ABLIM2: variants seen among roughly 807,000 people sequenced by gnomAD.
ABLIM2 encodes actin binding LIM protein family member 2.
ABLIM2 carries 53 observed loss-of-function variants against 97.7 expected under a neutral mutation model. The ratio of observed to expected loss-of-function variants is 0.54; its 90% CI spans 0.44 to 0.68. The LOEUF (loss-of-function observed/expected upper bound fraction) is 0.68. ABLIM2 is among the 30% of genes least tolerant of loss of function. The pLI is 0.00. For synonymous variants in ABLIM2, 361 were observed against 345.8 expected, an observed-to-expected ratio of 1.04 and a Z score of -0.49; for missense variants, 835 against 867.2, an observed-to-expected ratio of 0.96 and a Z score of 0.47.
chr4:7,993,468 G>C (rs1394685469), intron 16 of ABLIM2, among the ~76,000 whole-genome samples: 1 of 152,220 alleles, frequency 6.6e-6, no homozygotes, highest in Non-Finnish European at 1.5e-5. Context: ...AAAATCACTT[G>C]AGGCCAGGAG....
rs923074168 is a variant in ABLIM2, at chr4:8,138,043, C to T, written c.10+20637G>A. 5.9e-5 allele frequency among the ~76,000 whole-genome samples: 9 copies of T among 152,170 alleles called. No homozygotes were observed. In the South Asian group the frequency reaches 6.2e-4, roughly 10 times the overall value. On this transcript the variant is annotated intron_variant, in intron 1 of 20. Transcript: ENST00000447017. ...ACATGGATGACCCTTGAAGACATTA[C>T]GCTGAGTGAGATCCCAGTCACAGAG...
chr4:8,054,085 T>C lies in ABLIM2; in HGVS notation c.822+103A>G, dbSNP rs1797588551. The C allele has an allele frequency of 2.9e-6, 4 of 1,369,988 alleles. No individual in the cohort carries two copies. In the East Asian group the frequency reaches 6.9e-5, roughly 24 times the overall value. The allele number at this position is 1,369,988 out of a possible 1,614,324, so 84.9% of individuals were successfully genotyped here. On this transcript the variant is annotated intron_variant, in intron 8 of 20. Coordinates refer to ENST00000447017, the MANE Select transcript of ABLIM2 (RefSeq NM_001130083.2). This position sits in a 1 kb window ranked among gnomAD's most constrained non-coding sequence, Gnocchi z 4.9. The stretch of plus-strand genomic sequence containing the variant: ...GCCCCCATCCTGCAGCCCGTGGGAC[T>C]GGACAATGAGCCTGTAGAATCTGGT...
intron 20 of ABLIM2, among the ~76,000 whole-genome samples, chr4:7,967,327 G>C (rs982729074): frequency 6.6e-6 from 1 of 152,220 alleles, no homozygotes; most frequent in African/African-American, 2.4e-5. Context: ...CCCAGTGGTG[G>C]AGCTGGAGCC....
At chr4:8,052,191 C>T (rs1195071282) in intron 8 of ABLIM2, among the ~76,000 whole-genome samples, 1 of 152,330 alleles carries the variant, frequency 6.6e-6, no homozygotes, top group African/African-American at 2.4e-5. Flanking sequence ...GTGGTGTTCC[C>T]ATGCACACAT....
chr4:8,013,109 G>A (rs1335408934), intron 14 of ABLIM2, among the ~76,000 whole-genome samples: 1 of 152,082 alleles, frequency 6.6e-6, no homozygotes, highest in Non-Finnish European at 1.5e-5. Context: ...TTGATGGGAG[G>A]AGCAAAGTCA....
chr4:8,108,521 A>G (rs113170607), intron 1 of ABLIM2, among the ~76,000 whole-genome samples: 200 of 152,364 alleles, frequency 1.3e-3, no homozygotes, highest in African/African-American at 4.6e-3. Flanking sequence ...CTCTCCCTCG[A>G]CAACCAGGAG....
intron 2 of ABLIM2, 55 bp from the exon 3 acceptor site, chr4:8,097,337 C>T (rs1480587500): frequency 2.6e-6 from 4 of 1,541,072 alleles, no homozygotes; most frequent in African/African-American, 2.7e-5. Context: ...TCTCCACGTC[C>T]CCCAGGCCCG....
rs1186766027 is a variant in ABLIM2, at chr4:8,112,211, T to C, written c.11-5574A>G. 1.3e-5 allele frequency among the ~76,000 whole-genome samples: 2 copies of C among 152,170 alleles called. No individual in the cohort carries two copies. Among genetic ancestry groups the C allele is most frequent in the Non-Finnish European group, 2.9e-5 (2 of 68,032 alleles). ...CCTTCACAACAAAGGGACGTGGCTC[T>C]CTCAGGAAATCCCCCTGCCTCCCCC... On this transcript the variant is annotated intron_variant, in intron 1 of 20. Coordinates refer to ENST00000447017, the MANE Select transcript of ABLIM2 (RefSeq NM_001130083.2). This position sits in a 1 kb window ranked among gnomAD's most constrained non-coding sequence, Gnocchi z 4.2.
Position 8,081,118 on chromosome 4 carries a change from C to T in ABLIM2, c.455-316G>A, listed in dbSNP as rs547115176. 7.2e-5 allele frequency among the ~76,000 whole-genome samples: 11 copies of T among 152,208 alleles called. No individual in the cohort carries two copies. The East Asian group carries it at 9.7e-4, about 13-fold the overall frequency. On this transcript the variant is annotated intron_variant, in intron 4 of 20. Transcript: ENST00000447017. ...GCGGAGTTGGCTCCTGGCACCGAGA[C>T]GTACCAGGTTGAACCCAACTGTGAC... is the stretch of plus-strand genomic sequence containing the variant.
At chr4:8,111,972 C>A (rs890430681) in intron 1 of ABLIM2, among the ~76,000 whole-genome samples, 1 of 151,466 alleles carries the variant, frequency 6.6e-6, no homozygotes, top group African/African-American at 2.4e-5. Context: ...ACCACAATTG[C>A]GGCAGGTTCA....
intron 7 of ABLIM2, among the ~76,000 whole-genome samples, chr4:8,056,139 A>AAAAAAAAAAAAAAAAAC (rs1798977019): frequency 7.0e-6 from 1 of 142,104 alleles, no homozygotes; most frequent in African/African-American, 2.6e-5. Context: ...AAAAAAAAAA[A>AAAAAAAAAAAAAAAAAC]GTAACAGATG....
rs1272072066 is a variant in ABLIM2 at position 7,986,355 on chromosome 4, G to A, written c.1681-1462C>T. On this transcript the variant is annotated intron_variant, in intron 17 of 20. Coordinates refer to ENST00000447017, the MANE Select transcript of ABLIM2 (RefSeq NM_001130083.2). This position sits in a 1 kb window ranked among gnomAD's most constrained non-coding sequence, Gnocchi z 4.3. ...GCCCTTTATCTGAAACAGGAAAACCGAGGCCCCGAGGGAAGCTGGACCTTC... is the reference window on the plus strand; with the variant it reads ...GCCCTTTATCTGAAACAGGAAAACCAAGGCCCCGAGGGAAGCTGGACCTTC... Among the ~76,000 whole-genome samples the A allele has an allele frequency of 1.3e-5, 2 of 152,158 alleles. No individual in the cohort carries two copies. Among genetic ancestry groups the A allele is most frequent in the Non-Finnish European group, 2.9e-5 (2 of 68,026 alleles).
In ABLIM2 at chr4:8,019,766, C is replaced by T. The variant is rs912300378; in HGVS notation, c.1370-95G>A. The T allele has an allele frequency of 1.2e-5, 15 of 1,209,074 alleles. No individual in the cohort carries two copies. In the African/African-American group the frequency reaches 2.1e-4, roughly 17 times the overall value. 74.9% of individuals were successfully genotyped at this position (1,209,074 alleles called of 1,614,324 possible). A position where few individuals can be genotyped will look rare whatever the true frequency, so the allele number is the denominator to read the frequency against. The stretch of plus-strand genomic sequence containing the variant: ...TACAGCTTTTTGTAAGCAACAAGCA[C>T]TCACCCAGATTTAGAATCATCAGGC... On this transcript the variant is annotated intron_variant, in intron 13 of 20. Transcript: ENST00000447017. The surrounding 1 kb of genome is among the most constrained non-coding windows in gnomAD (Gnocchi z 4.3).
intron 9 of ABLIM2, among the ~76,000 whole-genome samples, chr4:8,038,530 C>T (rs1053598887): frequency 2.6e-5 from 4 of 152,204 alleles, no homozygotes; most frequent in Non-Finnish European, 4.4e-5. Flanking sequence ...GTGCCAGGTT[C>T]AGCCCCCTAC....
Position 8,074,263 on chromosome 4 carries a change from G to T in ABLIM2, c.675+3365C>A, listed in dbSNP as rs576497291. On this transcript the variant is annotated intron_variant, in intron 6 of 20. Transcript: ENST00000447017. ...GAGGCCAAGAGTTCCAGGCCAGCTG[G>T]GGCAATACAGCAAGATCCCTGTCTC... 2.0e-5 allele frequency among the ~76,000 whole-genome samples: 3 copies of T among 152,170 alleles called. No homozygotes were observed. The South Asian group carries it at 6.2e-4, about 32-fold the overall frequency.
chr4:8,055,048 G>GT (rs556582664), intron 7 of ABLIM2, among the ~76,000 whole-genome samples: 11,087 of 144,400 alleles, frequency 0.077, 620 homozygotes, highest in East Asian at 0.33. Context: ...CTTTGTTTTT[G>GT]TTTTTTTTTT....
chr4:8,111,564 A>G (rs1437803870), intron 1 of ABLIM2, among the ~76,000 whole-genome samples: 1 of 152,246 alleles, frequency 6.6e-6, no homozygotes, highest in East Asian at 1.9e-4. Context: ...GGATGGGAGC[A>G]CATCGGAACT....
Position 8,061,034 on chromosome 4 carries a change from G to A in ABLIM2, c.696C>T (p.His232=). The A allele has an allele frequency of 6.3e-7, 1 of 1,595,904 alleles. No homozygotes were observed. Among genetic ancestry groups the A allele is most frequent in the African/African-American group, 1.3e-5 (1 of 74,760 alleles). Residue 232 remains histidine, a synonymous_variant, in exon 7 of 21, where the codon CAC becomes CAT. Transcript: ENST00000447017. This position sits in a 1 kb window ranked among gnomAD's most constrained non-coding sequence, Gnocchi z 4.5. ...RVLEAGEKHY[H]PSCALCVRCG... is the part of the protein sequence containing the mutation. ...ACCTGACACATAGCGCGCAGGAAGG[G>A]TGGTAGTGCTTCTCTCCGGCCTGTA...
chr4:8,084,149 T>C (rs1349381613), intron 4 of ABLIM2, among the ~76,000 whole-genome samples: 2 of 152,218 alleles, frequency 1.3e-5, no homozygotes, highest in African/African-American at 4.8e-5. Context: ...CGAACTTGGC[T>C]TGCAGCTTCA....
Sources: allele counts gnomAD v4.1 joint callset (sites outside exome capture counted in the v4.1 genomes callset), GRCh38; gene constraint gnomAD v4.1.1; non-coding constraint Gnocchi (gnomAD v3.1); transcripts MANE v1.5; gene names NCBI Gene and HGNC (gene_info 2026-07-23, HGNC 2026-07-21).